SMAD9: variants seen among roughly 807,000 people sequenced by gnomAD.
The protein encoded by SMAD9 is MAD homolog 9.
In SMAD9, 36 loss-of-function variants were observed where a neutral mutation model predicts 46.1. That is an observed-to-expected ratio of 0.78 (90% CI 0.60 to 1.03). SMAD9 has a LOEUF of 1.03. Ranked by LOEUF, SMAD9 falls within the 50% of genes least tolerant of loss-of-function variation. SMAD9 has a pLI of 0.00. For missense variants in SMAD9, 572 were observed against 599.8 expected (o/e 0.95, Z 0.48); for synonymous variants, 245 against 237.1 (o/e 1.03, Z -0.31).
At chr13:36,878,096 AACAAAG>A (rs1566025211) in intron 2 of SMAD9, among the ~76,000 whole-genome samples, 1 of 152,170 alleles carries the variant, frequency 6.6e-6, no homozygotes, top group South Asian at 2.1e-4. Flanking sequence ...AGTGTGAAGG[AACAAAG>A]ACAAACACCA....
In SMAD9 at chr13:36,879,563, T is replaced by C. The variant is rs397514715; in HGVS notation, c.127A>G (p.Lys43Glu). The C allele has an allele frequency of 2.9e-5, 47 of 1,614,090 alleles. No homozygotes were observed. The East Asian group carries it at 1.0e-3, about 35-fold the overall frequency. ...GCTCCCTTCTTCTTCTTTAACTTCT[T>C]CACTAGAGAGTCCACTGCCTTCTCT... ...WAEKAVDSLV[K>E]KLKKKKGAMD... Residue 43 changes from lysine (K) to glutamate (E), a missense_variant, in exon 2 of 7, where the codon AAG (lysine) becomes GAG (glutamate). By Grantham distance (56) the Lys-to-Glu change is moderately conservative. Transcript: ENST00000379826.
At chr13:36,877,795 G>A (rs888273949) in intron 2 of SMAD9, among the ~76,000 whole-genome samples, 1 of 152,154 alleles carries the variant, frequency 6.6e-6, no homozygotes, top group Non-Finnish European at 1.5e-5. Context: ...TCCACACACA[G>A]GTAGATGTTA....
chr13:36,894,139 T>C (rs1444344843), intron 1 of SMAD9, among the ~76,000 whole-genome samples: 3 of 152,190 alleles, frequency 2.0e-5, no homozygotes, highest in South Asian at 4.1e-4. Flanking sequence ...ACAGTATTTA[T>C]TGGGCAACCA....
chr13:36,857,309 G>T (rs1195541984), intron 5 of SMAD9, among the ~76,000 whole-genome samples: 1 of 152,180 alleles, frequency 6.6e-6, no homozygotes, highest in Non-Finnish European at 1.5e-5. Context: ...CCTGCAGCCT[G>T]TTCTAACTCC....
intron 5 of SMAD9, among the ~76,000 whole-genome samples, chr13:36,861,352 T>G (rs771136913): frequency 6.6e-6 from 1 of 151,996 alleles, no homozygotes; most frequent in Non-Finnish European, 1.5e-5. Flanking sequence ...CCTTGCACTA[T>G]TGCCCAGGCT....
rs142675092 is a variant in SMAD9, at chr13:36,865,712, G to A, written c.828C>T (p.Val276=). ...CTCGGTTGTTCAGTTCATAGTAGGC[G>A]ACCGAGCACCAGTGCTGGGGCTCCT... ...CYEEPQHWCS[V]AYYELNNRVG... The change falls in exon 5 of 7, where the codon GTC becomes GTT. Residue 276 remains valine (V), a synonymous_variant. Transcript: ENST00000379826. The A allele has an allele frequency of 7.0e-4, 1,126 of 1,614,100 alleles. 2 individuals carry two copies. Among genetic ancestry groups the A allele is most frequent in the Admixed American group, 1.2e-3 (72 of 60,026 alleles).
At chr13:36,885,938 A>T (rs1428695774) in intron 1 of SMAD9, among the ~76,000 whole-genome samples, 1 of 152,220 alleles carries the variant, frequency 6.6e-6, no homozygotes, top group African/African-American at 2.4e-5. Context: ...GACTGTAGAG[A>T]GTAGCTGACT....
At position 36,854,874 on chromosome 13, in the gene SMAD9, T is replaced by C. The variant is rs138516709; in HGVS notation, c.1004-1199A>G. Among the ~76,000 whole-genome samples the C allele has an allele frequency of 7.3e-4, 111 of 152,356 alleles. 2 individuals are homozygous for C. In the East Asian group the frequency reaches 0.019, roughly 27 times the overall value. On this transcript the variant is annotated intron_variant, in intron 5 of 6. Coordinates refer to ENST00000379826, the MANE Select transcript of SMAD9 (RefSeq NM_001127217.3). ...CCACTAATATAAATCATATAAATAA[T>C]GTCTATTTTGATTTGTGAAGTGAAA...
intron 3 of SMAD9, among the ~76,000 whole-genome samples, chr13:36,868,087 G>A (rs867191421): frequency 6.6e-5 from 10 of 152,198 alleles, no homozygotes; most frequent in Admixed American, 2.0e-4. Flanking sequence ...CATGCGTGGT[G>A]GAATACAACA....
chr13:36,911,742 CTT>C (rs34673627), intron 1 of SMAD9, among the ~76,000 whole-genome samples: 27,162 of 151,606 alleles, frequency 0.18, 2,890 homozygotes, highest in Non-Finnish European at 0.24. Context: ...GAGTTTTGCT[CTT>C]GTTTCCCAGG....
At chr13:36,904,157 C>T (rs1460800116) in intron 1 of SMAD9, among the ~76,000 whole-genome samples, 1 of 152,096 alleles carries the variant, frequency 6.6e-6, no homozygotes, top group Admixed American at 6.6e-5. Flanking sequence ...TCCATTACAC[C>T]ACACCTACTG....
At chr13:36,913,283 C>G (rs2058675111) in intron 1 of SMAD9, among the ~76,000 whole-genome samples, 1 of 152,168 alleles carries the variant, frequency 6.6e-6, no homozygotes, top group Non-Finnish European at 1.5e-5. Flanking sequence ...TTCACGCTAA[C>G]TACACTATGA....
At chr13:36,895,247 T>C (rs749909898) in intron 1 of SMAD9, among the ~76,000 whole-genome samples, 2 of 152,210 alleles carry the variant, frequency 1.3e-5, no homozygotes, top group African/African-American at 2.4e-5. Flanking sequence ...GATGTGGATA[T>C]ACCTAACCTC....
intron 2 of SMAD9, among the ~76,000 whole-genome samples, chr13:36,874,095 T>C (rs1323227258): frequency 6.6e-6 from 1 of 152,224 alleles, no homozygotes; most frequent in Non-Finnish European, 1.5e-5. Flanking sequence ...AAAACTGTTG[T>C]TGAAGAGCCA....
At chr13:36,878,195 G>C (rs1191722436) in intron 2 of SMAD9, among the ~76,000 whole-genome samples, 1 of 150,606 alleles carries the variant, frequency 6.6e-6, no homozygotes, top group African/African-American at 2.4e-5. Context: ...CACACACACA[G>C]GGGTGTGAAG....
At chr13:36,857,660 G>T (rs1246467706) in intron 5 of SMAD9, among the ~76,000 whole-genome samples, 1 of 152,136 alleles carries the variant, frequency 6.6e-6, no homozygotes, top group African/African-American at 2.4e-5. Context: ...TGGGCAGGCT[G>T]GTGAGAGTGT....
intron 5 of SMAD9, among the ~76,000 whole-genome samples, chr13:36,863,316 T>C (rs565950784): frequency 6.6e-6 from 1 of 152,284 alleles, no homozygotes; most frequent in Non-Finnish European, 1.5e-5. Context: ...TTTTTCCACA[T>C]TGGAGTAATT....
chr13:36,891,730 A>G (rs973237535), intron 1 of SMAD9, among the ~76,000 whole-genome samples: 1 of 152,086 alleles, frequency 6.6e-6, no homozygotes, highest in African/African-American at 2.4e-5. Context: ...AACTTGCTAT[A>G]TTTTTCTCCA....
At chr13:36,887,736 A>G (rs1203080572) in intron 1 of SMAD9, among the ~76,000 whole-genome samples, 1 of 152,138 alleles carries the variant, frequency 6.6e-6, no homozygotes, top group Non-Finnish European at 1.5e-5. Flanking sequence ...TTATCCATAA[A>G]AAGGAGAGAT....
Sources: allele counts gnomAD v4.1 joint callset (sites outside exome capture counted in the v4.1 genomes callset), GRCh38; gene constraint gnomAD v4.1.1; transcripts MANE v1.5; gene names NCBI Gene and HGNC (gene_info 2026-07-23, HGNC 2026-07-21).